Variants in R3HCC1L observed in about 807,000 individuals in gnomAD.
R3HCC1L encodes coiled-coil domain-containing protein R3HCC1L.
In R3HCC1L, 51 loss-of-function variants were observed where a neutral mutation model predicts 59.9. The ratio of observed to expected loss-of-function variants is 0.85; its 90% CI spans 0.68 to 1.07. R3HCC1L has a LOEUF of 1.07. R3HCC1L is among the 50% of genes least tolerant of loss of function. The pLI, the probability that R3HCC1L is intolerant of heterozygous loss-of-function variation, is 0.00. For synonymous variants in R3HCC1L, 322 were observed against 315.2 expected, an observed-to-expected ratio of 1.02 and a Z score of -0.23; for missense variants, 965 against 933.0, an observed-to-expected ratio of 1.03 and a Z score of -0.45.
In R3HCC1L at chr10:98,236,140, C is replaced by T. The variant is rs1184832454; in HGVS notation, c.2245C>T (p.Leu749Phe). Residue 749 changes from leucine (L) to phenylalanine (F), a missense_variant, in exon 9 of 10, where the codon CTC becomes TTC. Transcript: ENST00000298999. ...GAGCAAAACCGAACGAGAAGCAGAG[C>T]TCAAGAAACTGCAAGAAGCCAGAGG... The part of the protein sequence containing the change: ...KQSKTEREAE[L>F]KKLQEARERK... The T allele has an allele frequency of 3.7e-6, 6 of 1,613,842 alleles. No homozygotes were observed. The highest frequency in any genetic ancestry group is 5.1e-6 in the Non-Finnish European group (6 of 1,179,860).
chr10:98,173,016 T>G (rs780034734), intron 4 of R3HCC1L, among the ~76,000 whole-genome samples: 1 of 152,246 alleles, frequency 6.6e-6, no homozygotes, highest in Non-Finnish European at 1.5e-5. Flanking sequence ...GATTTCATTT[T>G]ATATAAATTC....
intron 4 of R3HCC1L, among the ~76,000 whole-genome samples, chr10:98,184,104 T>C (rs1339272987): frequency 1.3e-5 from 2 of 152,032 alleles, no homozygotes; most frequent in African/African-American, 4.8e-5. Context: ...GGTTTTGTTA[T>C]TGCTAGGTTA....
chr10:98,170,526 A>C (rs1271097319), intron 4 of R3HCC1L, among the ~76,000 whole-genome samples: 1 of 152,134 alleles, frequency 6.6e-6, no homozygotes, highest in African/African-American at 2.4e-5. Flanking sequence ...GAGTCTTGCT[A>C]AGTTGCCCAG....
intron 5 of R3HCC1L, among the ~76,000 whole-genome samples, chr10:98,223,487 A>G (rs1051385937): frequency 1.3e-5 from 2 of 151,710 alleles, no homozygotes; most frequent in Non-Finnish European, 2.9e-5. Flanking sequence ...TGCATCTAGT[A>G]TAATAGTCAC....
rs1346079608 is a variant in R3HCC1L at position 98,150,943 on chromosome 10, A to ATTCTCT, written c.-267-5147_-267-5142dup. 2.0e-5 allele frequency among the ~76,000 whole-genome samples: 3 copies of ATTCTCT among 151,850 alleles called. No individual in the cohort carries two copies. In the East Asian group the frequency reaches 5.8e-4, roughly 29 times the overall value. ...TGGTGGGAAGCTGGTTGTCCACCTT[A>ATTCTCT]TTCTCTTTTTCCGGTGTAGTGATTG... On this transcript the variant is annotated intron_variant, in intron 1 of 9. Coordinates refer to ENST00000298999, the MANE Select transcript of R3HCC1L (RefSeq NM_001351015.2).
At chr10:98,202,233 G>A (rs1378524601) in intron 4 of R3HCC1L, among the ~76,000 whole-genome samples, 1 of 152,162 alleles carries the variant, frequency 6.6e-6, no homozygotes, top group Non-Finnish European at 1.5e-5. Context: ...GATGGAATCA[G>A]AGAAGAATAA....
At chr10:98,184,997 T>C (rs1005612615) in intron 4 of R3HCC1L, among the ~76,000 whole-genome samples, 1 of 152,200 alleles carries the variant, frequency 6.6e-6, no homozygotes, top group Non-Finnish European at 1.5e-5. Context: ...TACCTTACTT[T>C]TGTGCTGGGT....
At chr10:98,168,074 T>C (rs1848131275) in intron 4 of R3HCC1L, among the ~76,000 whole-genome samples, 3 of 152,250 alleles carry the variant, frequency 2.0e-5, no homozygotes, top group Admixed American at 2.0e-4. Context: ...CAAATAACTG[T>C]AGAAGCAGAC....
intron 9 of R3HCC1L, among the ~76,000 whole-genome samples, chr10:98,241,428 A>G (rs1857523002): frequency 1.3e-5 from 2 of 152,160 alleles, no homozygotes; most frequent in South Asian, 2.1e-4. Flanking sequence ...CTCATTTAAT[A>G]TAGTCATTTC....
intron 4 of R3HCC1L, among the ~76,000 whole-genome samples, chr10:98,171,654 T>C (rs893055317): frequency 3.3e-5 from 5 of 152,156 alleles, no homozygotes; most frequent in African/African-American, 9.7e-5. Flanking sequence ...TGAAACATTA[T>C]GAGAAGAAGT....
At position 98,236,136 on chromosome 10, in the gene R3HCC1L, A is replaced by G. The variant is rs1856928692; in HGVS notation, c.2241A>G (p.Ala747=). ...AGCAGAGCAAAACCGAACGAGAAGCAGAGCTCAAGAAACTGCAAGAAGCCA... is the reference window on the plus strand; with the variant it reads ...AGCAGAGCAAAACCGAACGAGAAGCGGAGCTCAAGAAACTGCAAGAAGCCA... ...RSKQSKTERE[A]ELKKLQEARE... Residue 747 remains alanine, a synonymous_variant, in exon 9 of 10, where the codon GCA becomes GCG. Coordinates refer to ENST00000298999, the MANE Select transcript of R3HCC1L (RefSeq NM_001351015.2). 6.2e-7 allele frequency: 1 copy of G among 1,613,960 alleles called. No individual in the cohort carries two copies. The highest frequency in any genetic ancestry group is 8.5e-7 in the Non-Finnish European group (1 of 1,179,900).
chr10:98,229,445 T>A (rs1455637397), intron 5 of R3HCC1L, among the ~76,000 whole-genome samples: 1 of 152,222 alleles, frequency 6.6e-6, no homozygotes, highest in Non-Finnish European at 1.5e-5. Flanking sequence ...TCCTGAGATT[T>A]GCTGAAGTTG....
At chr10:98,137,627 GA>G (rs1005404688) in intron 1 of R3HCC1L, among the ~76,000 whole-genome samples, 7 of 152,102 alleles carry the variant, frequency 4.6e-5, no homozygotes, top group East Asian at 1.9e-4. Flanking sequence ...AATTATATTA[GA>G]TTTTTTTTCA....
intron 7 of R3HCC1L, among the ~76,000 whole-genome samples, chr10:98,234,741 T>C (rs1468791243): frequency 6.6e-6 from 1 of 152,224 alleles, no homozygotes; most frequent in African/African-American, 2.4e-5. Flanking sequence ...CAAGGTTATT[T>C]GTACACATAA....
intron 4 of R3HCC1L, among the ~76,000 whole-genome samples, chr10:98,200,672 T>C (rs140106215): frequency 6.6e-6 from 1 of 152,030 alleles, no homozygotes; most frequent in African/African-American, 2.4e-5. Flanking sequence ...AAAGCACAAA[T>C]AAATAATATT....
intron 9 of R3HCC1L, among the ~76,000 whole-genome samples, chr10:98,239,094 G>A (rs1393145567): frequency 2.6e-5 from 4 of 152,156 alleles, no homozygotes; most frequent in Non-Finnish European, 5.9e-5. Flanking sequence ...CCAGCAAAGC[G>A]AAAGTACTCC....
At chr10:98,213,724 T>C (rs1853850395) in intron 5 of R3HCC1L, among the ~76,000 whole-genome samples, 1 of 152,220 alleles carries the variant, frequency 6.6e-6, no homozygotes, top group Non-Finnish European at 1.5e-5. Context: ...ATTTAAAAAA[T>C]TGAACAGAGT....
chr10:98,139,306 T>C (rs1052455213), intron 1 of R3HCC1L, among the ~76,000 whole-genome samples: 1 of 152,244 alleles, frequency 6.6e-6, no homozygotes, highest in African/African-American at 2.4e-5. Flanking sequence ...TATATAAATA[T>C]ATGATTAGCC....
intron 4 of R3HCC1L, among the ~76,000 whole-genome samples, chr10:98,164,990 C>A (rs757062207): frequency 2.6e-5 from 4 of 152,164 alleles, no homozygotes; most frequent in Non-Finnish European, 5.9e-5. Flanking sequence ...CTGGGCATGG[C>A]AGCTCACCCC....
Sources: allele counts gnomAD v4.1 joint callset (sites outside exome capture counted in the v4.1 genomes callset), GRCh38; gene constraint gnomAD v4.1.1; transcripts MANE v1.5; gene names NCBI Gene and HGNC (gene_info 2026-07-23, HGNC 2026-07-21).